The following USP37 variants were observed in gnomAD, a reference collection of about 807,000 sequenced individuals.
USP37 encodes the protein ubiquitin specific peptidase 37.
Under a neutral mutation model 124.0 loss-of-function variants are expected in USP37, and 27 were observed. The ratio of observed to expected loss-of-function variants is 0.22; its 90% CI spans 0.16 to 0.30. USP37 has a LOEUF of 0.30. Among genes scored for constraint, USP37 ranks in the 10% least tolerant of loss-of-function variants. The pLI is 1.00. For synonymous variants in USP37, 365 were observed against 388.0 expected, an observed-to-expected ratio of 0.94 and a Z score of 0.70; for missense variants, 889 against 1,140.4, an observed-to-expected ratio of 0.78 and a Z score of 3.17.
intron 18 of USP37, among the ~76,000 whole-genome samples, chr2:218,478,128 A>C (rs145281300): frequency 1.3e-5 from 2 of 152,330 alleles, no homozygotes; most frequent in Non-Finnish European, 2.9e-5. Context: ...AAGAAATAAG[A>C]GGCCAGAGTG....
At chr2:218,550,635 G>GA (rs373286666) in intron 5 of USP37, among the ~76,000 whole-genome samples, 258 of 97,904 alleles carry the variant, frequency 2.6e-3, no homozygotes, top group Middle Eastern at 5.4e-3. Flanking sequence ...AAAGAAAAAA[G>GA]AAAAAAAAAA....
intron 22 of USP37, 127 bp downstream of exon 22, chr2:218,463,175 AACAC>A (rs3835979): frequency 0.016 from 8,500 of 528,006 alleles, 108 homozygotes; most frequent in Admixed American, 0.038. Flanking sequence ...CCCCACAATA[AACAC>A]ACACACACAC....
At chr2:218,521,161 G>A (rs537573614) in intron 10 of USP37, among the ~76,000 whole-genome samples, 15 of 152,154 alleles carry the variant, frequency 9.9e-5, no homozygotes, top group Non-Finnish European at 1.8e-4. Flanking sequence ...AAAAGCTGAC[G>A]CTGCCATGCT....
At position 218,558,568 on chromosome 2, in the gene USP37, A is replaced by C; in HGVS notation, c.86T>G (p.Ile29Ser). ...GCTGACTTTATTCTCTTTTTCTACA[A>C]TTTCAAAGGATCCTTCTTTCCACTT... ...ITKWKEGSFEIVEKENKVSLV... is the reference protein window; with the variant it reads ...ITKWKEGSFESVEKENKVSLV... Residue 29 changes from isoleucine (I) to serine (S), a missense_variant, in exon 4 of 26, where the codon ATT (isoleucine) becomes AGT (serine). By Grantham distance (142) the Ile-to-Ser change is moderately radical. Transcript: ENST00000258399. 6.2e-7 allele frequency: 1 copy of C among 1,613,608 alleles called. No individual in the cohort carries two copies. Among genetic ancestry groups the C allele is most frequent in the African/African-American group, 1.3e-5 (1 of 75,032 alleles).
chr2:218,504,875 T>C (rs772442829), intron 11 of USP37, among the ~76,000 whole-genome samples: 3 of 152,088 alleles, frequency 2.0e-5, no homozygotes, highest in East Asian at 1.9e-4. Context: ...GCGTGAGCCA[T>C]TACACTCAGC....
chr2:218,542,660 C>T (rs996066760), intron 8 of USP37, among the ~76,000 whole-genome samples: 1 of 152,110 alleles, frequency 6.6e-6, no homozygotes, highest in African/African-American at 2.4e-5. Context: ...TGATAGATTC[C>T]AATTCAGCTG....
At chr2:218,526,844 A>G (rs537737250) in intron 10 of USP37, among the ~76,000 whole-genome samples, 85 of 123,284 alleles carry the variant, frequency 6.9e-4, no homozygotes, top group Non-Finnish European at 1.2e-3. Flanking sequence ...GCTGGAGTGC[A>G]GTGGCGCGAT....
At chr2:218,567,810 G>A (rs1377348786) in intron 1 of USP37, among the ~76,000 whole-genome samples, 2 of 152,210 alleles carry the variant, frequency 1.3e-5, no homozygotes, top group Non-Finnish European at 2.9e-5. Flanking sequence ...GGTGAAGATG[G>A]TCAAGAGAGT....
chr2:218,535,878 G>A (rs1042726521), intron 8 of USP37, among the ~76,000 whole-genome samples: 6 of 150,852 alleles, frequency 4.0e-5, no homozygotes, highest in African/African-American at 7.3e-5. Context: ...TTAGCCAGGC[G>A]TGGTGGCAGG....
At chr2:218,509,890 T>C in intron 11 of USP37, 89 bp downstream of exon 11, 1 of 1,239,990 alleles carries the variant, frequency 8.1e-7, no homozygotes, top group African/African-American at 1.5e-5. Flanking sequence ...AGAACTTTAA[T>C]GTGACTCCTT....
chr2:218,523,507 G>T (rs958460493), intron 10 of USP37, among the ~76,000 whole-genome samples: 1 of 152,166 alleles, frequency 6.6e-6, no homozygotes, highest in Admixed American at 6.5e-5. Context: ...GCTGGATTTA[G>T]AAACACCATT....
chr2:218,565,864 C>T (rs975019061), intron 1 of USP37, among the ~76,000 whole-genome samples: 1 of 152,114 alleles, frequency 6.6e-6, no homozygotes, highest in Admixed American at 6.5e-5. Context: ...GCCTGGCCAA[C>T]ATGGTGAAAC....
chr2:218,560,427 G>C (rs1050243262), intron 3 of USP37, among the ~76,000 whole-genome samples: 1 of 152,150 alleles, frequency 6.6e-6, no homozygotes, highest in Admixed American at 6.5e-5. Flanking sequence ...AAATGTTTTA[G>C]TGTTGTAGAA....
chr2:218,493,367 C>G (rs377363295), intron 14 of USP37, among the ~76,000 whole-genome samples: 9 of 152,234 alleles, frequency 5.9e-5, no homozygotes, highest in African/African-American at 1.7e-4. Context: ...CCATTTATTG[C>G]ATTGATGCAC....
chr2:218,523,113 C>CA (rs1690757156), intron 10 of USP37, among the ~76,000 whole-genome samples: 1 of 151,958 alleles, frequency 6.6e-6, no homozygotes, highest in African/African-American at 2.4e-5. Context: ...CCGTCTCTAC[C>CA]AAAAATACAA....
chr2:218,484,707 A>G (rs1176027786), intron 16 of USP37, among the ~76,000 whole-genome samples: 1 of 152,080 alleles, frequency 6.6e-6, no homozygotes, highest in African/African-American at 2.4e-5. Context: ...TATGAAATGT[A>G]AAAGAACTAG....
At chr2:218,510,273 A>T in intron 10 of USP37, 133 bp from the exon 11 acceptor site, 2 of 932,572 alleles carry the variant, frequency 2.1e-6, no homozygotes, top group Non-Finnish European at 3.1e-6. Context: ...AATAATGATC[A>T]CTTAAGGGAA....
chr2:218,452,105 A>AT lies in USP37; in HGVS notation c.*2824dup, dbSNP rs1325965769. The AT allele has an allele frequency of 5.9e-5, 9 of 152,516 alleles. No individual in the cohort carries two copies. The allele number at this position is 152,516 out of a possible 1,614,324, so 9.4% of individuals were successfully genotyped here. Reference sequence around the variant, plus strand: ...TATTAGGTGATTAAAATCAACAAATATGAAGTTTAGTTCATTTTTCCCTTA... The same window carrying AT: ...TATTAGGTGATTAAAATCAACAAATATTGAAGTTTAGTTCATTTTTCCCTTA... On this transcript the variant is annotated 3_prime_UTR_variant, in exon 26 of 26. Coordinates refer to ENST00000258399, the MANE Select transcript of USP37 (RefSeq NM_020935.3).
At chr2:218,502,887 G>A (rs1469171152) in intron 11 of USP37, among the ~76,000 whole-genome samples, 1 of 152,082 alleles carries the variant, frequency 6.6e-6, no homozygotes, top group Non-Finnish European at 1.5e-5. Flanking sequence ...TTTTGAATAT[G>A]CAAGAACTAG....
Sources: allele counts gnomAD v4.1 joint callset (sites outside exome capture counted in the v4.1 genomes callset), GRCh38; gene constraint gnomAD v4.1.1; transcripts MANE v1.5; gene names NCBI Gene and HGNC (gene_info 2026-07-23, HGNC 2026-07-21).